The following MAGI3 variants were observed in gnomAD, a reference collection of about 807,000 sequenced individuals.
MAGI3 encodes the protein membrane associated guanylate kinase, WW and PDZ domain containing 3.
A neutral mutation model predicts 121.8 loss-of-function variants in MAGI3; 43 were observed. The observed-to-expected ratio is 0.35, with a 90% CI of 0.28 to 0.46. MAGI3 has a LOEUF of 0.46. MAGI3 is among the 20% of genes least tolerant of loss of function. The pLI is 1.00. For synonymous variants in MAGI3, 553 were observed against 639.3 expected (o/e 0.86, Z 2.04); for missense variants, 1,547 against 1,797.3 (o/e 0.86, Z 2.52).
At chr1:113,477,524 T>G (rs908976375) in intron 1 of MAGI3, among the ~76,000 whole-genome samples, 1 of 152,218 alleles carries the variant, frequency 6.6e-6, no homozygotes, top group Non-Finnish European at 1.5e-5. Flanking sequence ...GGGTTGAAAA[T>G]TCTTTTCTTT....
At chr1:113,472,035 T>G (rs1026331035) in intron 1 of MAGI3, among the ~76,000 whole-genome samples, 1 of 152,230 alleles carries the variant, frequency 6.6e-6, no homozygotes, top group Non-Finnish European at 1.5e-5. Context: ...GACTTTTGTC[T>G]CTTGTGATAG....
At chr1:113,619,643 T>C in intron 7 of MAGI3, 93 bp from the exon 8 acceptor site, 1 of 839,902 alleles carries the variant, frequency 1.2e-6, no homozygotes, top group Non-Finnish European at 1.9e-6. Flanking sequence ...ATTTGTCCCC[T>C]AATCTATGAT....
chr1:113,488,712 A>G (rs554603329), intron 1 of MAGI3, among the ~76,000 whole-genome samples: 13 of 152,286 alleles, frequency 8.5e-5, no homozygotes, highest in Non-Finnish European at 1.5e-4. Context: ...ACCAACTGCC[A>G]TTGCAGGCAG....
intron 2 of MAGI3, among the ~76,000 whole-genome samples, chr1:113,578,474 G>A (rs1471460113): frequency 3.3e-5 from 5 of 151,890 alleles, no homozygotes; most frequent in African/African-American, 2.4e-5. Context: ...CAGTGGTGCT[G>A]CAATGATAAC....
chr1:113,485,179 A>G (rs1656324284), intron 1 of MAGI3, among the ~76,000 whole-genome samples: 1 of 152,214 alleles, frequency 6.6e-6, no homozygotes, highest in South Asian at 2.1e-4. Flanking sequence ...ATAGATACCT[A>G]GTAGTGGGAT....
At chr1:113,570,256 G>A (rs1647225488) in intron 2 of MAGI3, among the ~76,000 whole-genome samples, 2 of 152,230 alleles carry the variant, frequency 1.3e-5, no homozygotes, top group African/African-American at 2.4e-5. Context: ...ATTCCATGGT[G>A]TCCCTGTGCC....
chr1:113,476,105 G>T (rs1655804890), intron 1 of MAGI3, among the ~76,000 whole-genome samples: 1 of 150,500 alleles, frequency 6.6e-6, no homozygotes. Context: ...GCATCTATTT[G>T]ATTCTTTTTT....
chr1:113,473,182 C>T (rs546748429), intron 1 of MAGI3, among the ~76,000 whole-genome samples: 1 of 152,256 alleles, frequency 6.6e-6, no homozygotes, highest in South Asian at 2.1e-4. Context: ...GTCTTTATCT[C>T]TCCTTTATTT....
At chr1:113,615,217 T>C (rs1401602619) in intron 7 of MAGI3, among the ~76,000 whole-genome samples, 6 of 152,170 alleles carry the variant, frequency 3.9e-5, no homozygotes, top group African/African-American at 1.4e-4. Flanking sequence ...GCCAGACACC[T>C]GCCTATGTTA....
chr1:113,598,669 A>G (rs1649173517), intron 6 of MAGI3, among the ~76,000 whole-genome samples: 1 of 152,152 alleles, frequency 6.6e-6, no homozygotes, highest in South Asian at 2.1e-4. Context: ...TAGAGCCCCC[A>G]GATTCATGAA....
At chr1:113,608,786 G>A (rs186392021) in intron 6 of MAGI3, among the ~76,000 whole-genome samples, 105 of 152,278 alleles carry the variant, frequency 6.9e-4, no homozygotes, top group African/African-American at 2.5e-3. Context: ...TTGAAGAATT[G>A]GATGAACATT....
chr1:113,661,172 G>A (rs974513563), intron 16 of MAGI3, among the ~76,000 whole-genome samples: 1 of 152,184 alleles, frequency 6.6e-6, no homozygotes, highest in African/African-American at 2.4e-5. Flanking sequence ...GGGGTTAAAG[G>A]TGAAAATATA....
chr1:113,450,642 A>G (rs1654437144), intron 1 of MAGI3: 6 of 1,016,122 alleles, frequency 5.9e-6, no homozygotes, highest in Non-Finnish European at 6.2e-6. Context: ...GTGAAAGGGG[A>G]CAGTTCTGGT....
chr1:113,493,333 A>C (rs1656756242), intron 1 of MAGI3, among the ~76,000 whole-genome samples: 1 of 152,178 alleles, frequency 6.6e-6, no homozygotes, highest in South Asian at 2.1e-4. Flanking sequence ...AACTGACTAG[A>C]GATATGCGGA....
Position 113,590,628 on chromosome 1 carries a change from A to C in MAGI3, c.908A>C (p.Tyr303Ser). The part of the protein sequence containing the change: ...EPLPKNWEMA[Y>S]TDTGMIYFID... Reference sequence around the variant, plus strand: ...CTGCCCAAAAACTGGGAAATGGCCTACACTGACACAGGGATGATCTACTTC... The same window carrying C: ...CTGCCCAAAAACTGGGAAATGGCCTCCACTGACACAGGGATGATCTACTTC... Residue 303 changes from tyrosine to serine, a missense_variant, in exon 5 of 21, where the codon TAC becomes TCC. Tyr to Ser is a moderately radical substitution (Grantham distance 144, BLOSUM62 -2). Coordinates refer to ENST00000307546, the MANE Select transcript of MAGI3 (RefSeq NM_001142782.2). The C allele has an allele frequency of 6.2e-7, 1 of 1,613,756 alleles. No individual in the cohort carries two copies. Among genetic ancestry groups the C allele is most frequent in the Non-Finnish European group, 8.5e-7 (1 of 1,179,690 alleles).
At chr1:113,637,944 T>C (rs941350944) in intron 9 of MAGI3, among the ~76,000 whole-genome samples, 12 of 152,140 alleles carry the variant, frequency 7.9e-5, no homozygotes, top group African/African-American at 1.2e-4. Flanking sequence ...TATTCTTTTT[T>C]CTCTAAACTT....
At chr1:113,437,832 TC>T (rs1653662380) in intron 1 of MAGI3, among the ~76,000 whole-genome samples, 2 of 20,034 alleles carry the variant, frequency 1.0e-4, no homozygotes, top group African/African-American at 2.9e-4. Flanking sequence ...TTCTTCTTCT[TC>T]TTCTTCTTCT....
At chr1:113,591,119 AC>A (rs1570910529) in intron 5 of MAGI3, among the ~76,000 whole-genome samples, 1 of 152,128 alleles carries the variant, frequency 6.6e-6, no homozygotes, top group East Asian at 1.9e-4. Context: ...AGAAAATATC[AC>A]TGATCATCAG....
chr1:113,590,138 A>G (rs535598947), intron 4 of MAGI3, among the ~76,000 whole-genome samples: 2 of 152,202 alleles, frequency 1.3e-5, no homozygotes, highest in East Asian at 3.9e-4. Context: ...TTATGAGTTA[A>G]CATACAGAAA....
Sources: allele counts gnomAD v4.1 joint callset (sites outside exome capture counted in the v4.1 genomes callset), GRCh38; gene constraint gnomAD v4.1.1; transcripts MANE v1.5; gene names NCBI Gene and HGNC (gene_info 2026-07-23, HGNC 2026-07-21).